The following PEBP4 variants were observed in gnomAD, a reference collection of about 807,000 sequenced individuals.
PEBP4 encodes the protein phosphatidylethanolamine binding protein 4, also known as phosphatidylethanolamine-binding protein 4.
A neutral mutation model predicts 23.9 loss-of-function variants in PEBP4; 22 were observed. The observed-to-expected ratio is 0.92, with a 90% CI of 0.66 to 1.31. PEBP4 has a LOEUF of 1.31. Among genes scored for constraint, PEBP4 ranks in the 40% most tolerant of loss-of-function variants. The probability of loss-of-function intolerance (pLI) is 0.00; values close to 1 mark genes in which losing one functional copy is unlikely to be tolerated. For missense variants in PEBP4, 324 were observed against 281.7 expected (o/e 1.15, Z -1.07); for synonymous variants, 112 against 99.3 (o/e 1.13, Z -0.76).
chr8:22,925,524 G>C (rs1395710618), intron 2 of PEBP4, among the ~76,000 whole-genome samples: 1 of 152,216 alleles, frequency 6.6e-6, no homozygotes, highest in Admixed American at 6.5e-5. Flanking sequence ...TACTGACAGT[G>C]AAAGGAGTCA....
Position 22,784,432 on chromosome 8 carries a change from C to G in PEBP4, c.357+33205G>C, listed in dbSNP as rs189048285. 9.2e-5 allele frequency among the ~76,000 whole-genome samples: 14 copies of G among 152,242 alleles called. No individual in the cohort carries two copies. In the East Asian group the frequency reaches 2.7e-3, roughly 29 times the overall value. On this transcript the variant is annotated intron_variant, in intron 4 of 6. Coordinates refer to ENST00000256404, the MANE Select transcript of PEBP4 (RefSeq NM_144962.3). Reference sequence around the variant, plus strand: ...TGCTTTTACAATTTGTCATTGATGCCTTGATTTGAAGGAAACTGAGGCAAT... The same window carrying G: ...TGCTTTTACAATTTGTCATTGATGCGTTGATTTGAAGGAAACTGAGGCAAT...
chr8:22,940,460 T>C (rs1307819677), intron 1 of PEBP4, among the ~76,000 whole-genome samples: 1 of 151,070 alleles, frequency 6.6e-6, no homozygotes, highest in Non-Finnish European at 1.5e-5. Context: ...AGTGAAAAAA[T>C]TGGAAACACC....
intron 3 of PEBP4, among the ~76,000 whole-genome samples, chr8:22,850,164 G>A (rs975439106): frequency 2.0e-5 from 3 of 152,058 alleles, no homozygotes; most frequent in Non-Finnish European, 2.9e-5. Context: ...TGGGCTTGAG[G>A]ACTTGGCCAG....
At chr8:22,854,574 C>T (rs1807603337) in intron 3 of PEBP4, among the ~76,000 whole-genome samples, 1 of 152,068 alleles carries the variant, frequency 6.6e-6, no homozygotes, top group Non-Finnish European at 1.5e-5. Flanking sequence ...GGGGCTGGGG[C>T]AATGAGGGAG....
chr8:22,783,853 T>G (rs1805974787), intron 4 of PEBP4, among the ~76,000 whole-genome samples: 1 of 152,236 alleles, frequency 6.6e-6, no homozygotes, highest in African/African-American at 2.4e-5. Flanking sequence ...AGGCTGGTCC[T>G]GAGCTCAAGT....
intron 4 of PEBP4, among the ~76,000 whole-genome samples, chr8:22,766,670 G>C (rs1004890604): frequency 6.6e-6 from 1 of 152,214 alleles, no homozygotes; most frequent in African/African-American, 2.4e-5. Flanking sequence ...TGGCGTATCA[G>C]GGGCAGCAGC....
chr8:22,903,790 C>A (rs1198292055), intron 3 of PEBP4, among the ~76,000 whole-genome samples: 4 of 152,228 alleles, frequency 2.6e-5, no homozygotes, highest in Non-Finnish European at 5.9e-5. Context: ...TAGGAAAGTG[C>A]CCTTGCAACT....
At chr8:22,831,696 C>T (rs1425225249) in intron 3 of PEBP4, among the ~76,000 whole-genome samples, 2 of 152,036 alleles carry the variant, frequency 1.3e-5, no homozygotes, top group Non-Finnish European at 1.5e-5. Context: ...CGTGATGGAC[C>T]CTGCTCAGGG....
intron 3 of PEBP4, among the ~76,000 whole-genome samples, chr8:22,888,869 TGCTGGGA>T (rs1281726766): frequency 6.6e-6 from 1 of 152,210 alleles, no homozygotes; most frequent in East Asian, 1.9e-4. Context: ...TTATTCCCCA[TGCTGGGA>T]GCTCCCATCT....
rs1349383304 is a variant in PEBP4 at position 22,875,670 on chromosome 8, C to T, written c.258+44514G>A. On this transcript the variant is annotated intron_variant, in intron 3 of 6. Transcript: ENST00000256404. Reference sequence around the variant, plus strand: ...GAAGGCTGAAGCTGGGAATTATTAGCGTCCAGGTTGTCTAGTTCCAGTCCC... The same window carrying T: ...GAAGGCTGAAGCTGGGAATTATTAGTGTCCAGGTTGTCTAGTTCCAGTCCC... Among the ~76,000 whole-genome samples, 5 of 152,136 alleles carry T rather than the reference C, an allele frequency of 3.3e-5. No individual in the cohort carries two copies. In the East Asian group the frequency reaches 9.6e-4, roughly 29 times the overall value.
At chr8:22,808,614 C>A (rs11780657) in intron 4 of PEBP4, among the ~76,000 whole-genome samples, 2,494 of 152,256 alleles carry the variant, frequency 0.016, 33 homozygotes, top group Middle Eastern at 0.044. Flanking sequence ...GCAAGCCTTT[C>A]GGCAGAGGTG....
intron 3 of PEBP4, among the ~76,000 whole-genome samples, chr8:22,834,778 T>G (rs186389297): frequency 1.3e-5 from 2 of 152,288 alleles, no homozygotes; most frequent in East Asian, 1.9e-4. Context: ...GGAATGTGAA[T>G]GGGATGTTGG....
At chr8:22,875,002 C>T (rs957028428) in intron 3 of PEBP4, among the ~76,000 whole-genome samples, 2 of 151,596 alleles carry the variant, frequency 1.3e-5, no homozygotes, top group African/African-American at 2.4e-5. Context: ...GTCTACCTGC[C>T]CATCCTGTTT....
At chr8:22,830,445 G>A (rs952614748) in intron 3 of PEBP4, among the ~76,000 whole-genome samples, 1 of 152,044 alleles carries the variant, frequency 6.6e-6, no homozygotes, top group Non-Finnish European at 1.5e-5. Context: ...ACTGCACCTG[G>A]CCAGCTATCT....
intron 3 of PEBP4, among the ~76,000 whole-genome samples, chr8:22,856,724 A>G (rs2128768026): frequency 6.6e-6 from 1 of 151,882 alleles, no homozygotes; most frequent in East Asian, 1.9e-4. Flanking sequence ...TAAATAAATA[A>G]ATAAATAAAT....
chr8:22,868,009 G>A (rs900901891), intron 3 of PEBP4, among the ~76,000 whole-genome samples: 1 of 152,158 alleles, frequency 6.6e-6, no homozygotes, highest in African/African-American at 2.4e-5. Context: ...ATAGGATCTA[G>A]CCCAGCCCGG....
intron 4 of PEBP4, among the ~76,000 whole-genome samples, chr8:22,728,615 T>TCCCTG: frequency 8.5e-6 from 1 of 117,680 alleles, no homozygotes; most frequent in Non-Finnish European, 1.6e-5. Flanking sequence ...TTCCTTCCCT[T>TCCCTG]TTTTTGGAGT....
At chr8:22,836,455 T>A (rs1807206936) in intron 3 of PEBP4, among the ~76,000 whole-genome samples, 1 of 152,262 alleles carries the variant, frequency 6.6e-6, no homozygotes, top group South Asian at 2.1e-4. Flanking sequence ...ATTTAAAACA[T>A]CCATGCTACA....
At chr8:22,898,645 A>C (rs1419615572) in intron 3 of PEBP4, among the ~76,000 whole-genome samples, 1 of 152,168 alleles carries the variant, frequency 6.6e-6, no homozygotes, top group Non-Finnish European at 1.5e-5. Flanking sequence ...CTGCACACCC[A>C]AGTGAAAGCT....
Sources: gnomAD v4.1 joint callset for allele counts (sites outside exome capture counted in the v4.1 genomes callset) on GRCh38, gnomAD v4.1.1 for gene constraint, MANE v1.5 for transcripts, NCBI Gene and HGNC (gene_info 2026-07-23, HGNC 2026-07-21) for gene names.